The following ADCY9 variants were observed in gnomAD, a reference collection of about 807,000 sequenced individuals.
The protein encoded by ADCY9 is adenylate cyclase type 9.
A neutral mutation model predicts 101.5 loss-of-function variants in ADCY9; 50 were observed. The observed-to-expected ratio is 0.49, with a 90% CI of 0.39 to 0.62. ADCY9 has a LOEUF of 0.62. ADCY9 is among the 20% of genes least tolerant of loss of function. The pLI is 0.00. For missense variants in ADCY9, 1,662 were observed against 1,800.4 expected (o/e 0.92, Z 1.39); for synonymous variants, 905 against 769.3 (o/e 1.18, Z -2.92).
At chr16:4,062,448 C>G (rs1231133463) in intron 2 of ADCY9, among the ~76,000 whole-genome samples, 1 of 152,106 alleles carries the variant, frequency 6.6e-6, no homozygotes, top group Non-Finnish European at 1.5e-5. Context: ...TGAAGACTGT[C>G]AGATTAAATT....
chr16:4,109,963 C>T (rs2057102888), intron 2 of ADCY9, among the ~76,000 whole-genome samples: 1 of 152,268 alleles, frequency 6.6e-6, no homozygotes, highest in African/African-American at 2.4e-5. Context: ...AACAATCGTC[C>T]GCCCCCACAG....
intron 2 of ADCY9, among the ~76,000 whole-genome samples, chr16:4,019,747 G>A (rs549426990): frequency 1.3e-5 from 2 of 152,294 alleles, no homozygotes; most frequent in Admixed American, 1.3e-4. Context: ...ACTAGTGGAG[G>A]TACTAGCCTC....
chr16:4,012,247 G>C (rs965242503), intron 2 of ADCY9, among the ~76,000 whole-genome samples: 1 of 152,190 alleles, frequency 6.6e-6, no homozygotes, highest in Non-Finnish European at 1.5e-5. Context: ...TAAATTTAAA[G>C]TGAAACCTTT....
intron 2 of ADCY9, among the ~76,000 whole-genome samples, chr16:4,018,214 C>CTTT (rs771932084): frequency 3.5e-5 from 5 of 141,380 alleles, no homozygotes; most frequent in Non-Finnish European, 4.6e-5. Flanking sequence ...ATATTCTTCT[C>CTTT]TTTTTTTTTT....
At chr16:4,100,629 C>A (rs2057036714) in intron 2 of ADCY9, among the ~76,000 whole-genome samples, 1 of 151,636 alleles carries the variant, frequency 6.6e-6, no homozygotes, top group South Asian at 2.1e-4. Flanking sequence ...TGCACCTGGC[C>A]TCAGGTAGCA....
intron 2 of ADCY9, among the ~76,000 whole-genome samples, chr16:4,009,745 C>T (rs12921697): frequency 0.052 from 7,859 of 152,332 alleles, 271 homozygotes; most frequent in Non-Finnish European, 0.082. Flanking sequence ...GGACCTGTCC[C>T]AGGCGACACC....
Position 4,115,661 on chromosome 16 carries a change from G to C in ADCY9, c.-44+29C>G. ...CACCGCCCCCACCGCCCCCACCTTC[G>C]AGGCGCACGAGAACCGCTCGGGACG... On this transcript the variant is annotated intron_variant, in intron 1 of 10. Coordinates refer to ENST00000294016, the MANE Select transcript of ADCY9 (RefSeq NM_001116.4). This position sits in a 1 kb window ranked among gnomAD's most constrained non-coding sequence, Gnocchi z 6.2. 1.7e-6 allele frequency: 1 copy of C among 595,546 alleles called. No homozygotes were observed. The highest frequency in any genetic ancestry group is 2.9e-5 in the East Asian group (1 of 34,896). 36.9% of individuals were successfully genotyped at this position (595,546 alleles called of 1,614,324 possible). A position where few individuals can be genotyped will look rare whatever the true frequency, so the allele number is the denominator to read the frequency against.
rs1319965062 is a variant in ADCY9, at chr16:4,047,108, TTTC to T, written c.1694-39553_1694-39551del. 2.0e-5 allele frequency among the ~76,000 whole-genome samples: 3 copies of T among 152,324 alleles called. 1 individual carries two copies. The South Asian group carries it at 6.2e-4, about 32-fold the overall frequency. ...TTTCTAGGCAGACATTGAATGCTAATTTCTTCGTTTTTTAAAAAAAATGAAATA... is the reference window on the plus strand; with the variant it reads ...TTTCTAGGCAGACATTGAATGCTAATTTCGTTTTTTAAAAAAAATGAAATA... On this transcript the variant is annotated intron_variant, in intron 2 of 10. Transcript: ENST00000294016.
chr16:3,992,068 C>T lies in ADCY9; in HGVS notation c.2207+78G>A. 6.9e-7 allele frequency: 1 copy of T among 1,447,636 alleles called. No individual in the cohort carries two copies. Among genetic ancestry groups the T allele is most frequent in the Non-Finnish European group, 9.5e-7 (1 of 1,049,152 alleles). The allele number at this position is 1,447,636 out of a possible 1,614,324, so 89.7% of individuals were successfully genotyped here. A position where few individuals can be genotyped will look rare whatever the true frequency, so the allele number is the denominator to read the frequency against. On this transcript the variant is annotated intron_variant, in intron 5 of 10. Coordinates refer to ENST00000294016, the MANE Select transcript of ADCY9 (RefSeq NM_001116.4). The surrounding 1 kb of genome is among the most constrained non-coding windows in gnomAD (Gnocchi z 4.2). ...CCTGGATGACAGAGCGAGACTCAGT[C>T]TTAAAGAAAAGAAAAGAAAAAGGCA...
intron 6 of ADCY9, among the ~76,000 whole-genome samples, chr16:3,984,703 G>A (rs879625069): frequency 1.1e-4 from 16 of 152,244 alleles, no homozygotes; most frequent in Non-Finnish European, 2.2e-4. Flanking sequence ...AGGAAGGGAT[G>A]TAGCCAGTTC....
At chr16:4,031,571 T>C (rs528638845) in intron 2 of ADCY9, among the ~76,000 whole-genome samples, 4 of 152,258 alleles carry the variant, frequency 2.6e-5, no homozygotes, top group Admixed American at 2.0e-4. Context: ...TTTCTGTAGG[T>C]TTGAAATTTA....
In ADCY9 at chr16:4,115,293, G is replaced by T. The variant is rs3730094; in HGVS notation, c.150C>A (p.Ile50=). Residue 50 remains isoleucine, a synonymous_variant, in exon 2 of 11, where the codon ATC becomes ATA. Transcript: ENST00000294016. The surrounding 1 kb of genome is among the most constrained non-coding windows in gnomAD (Gnocchi z 6.2). ...CCCCAGAGCTGCTGCAGCTAGAGGA[G>T]ATGCTGTATTTGCAGTGCTTGGGGT... is the stretch of plus-strand genomic sequence containing the variant. The part of the protein sequence containing the change: ...NSHPKHCKYS[I]SSSCSSSGDS... 1.2e-6 allele frequency: 2 copies of T among 1,613,896 alleles called. No homozygotes were observed. Among genetic ancestry groups the T allele is most frequent in the Non-Finnish European group, 1.7e-6 (2 of 1,179,892 alleles).
At chr16:4,104,750 G>C (rs1030704464) in intron 2 of ADCY9, among the ~76,000 whole-genome samples, 1 of 152,134 alleles carries the variant, frequency 6.6e-6, no homozygotes, top group African/African-American at 2.4e-5. Context: ...TCAACATATT[G>C]CAACAAATTG....
chr16:4,113,962 G>C lies in ADCY9; in HGVS notation c.1481C>G (p.Thr494Ser). Reference protein sequence around the residue: ...VNMRVGVHTGTVLCGILGMRR... With the variant: ...VNMRVGVHTGSVLCGILGMRR... ...CATGCCCAGGATGCCGCAAAGGACG[G>C]TGCCCGTGTGCACCCCGACTCTCAT... The change falls in exon 2 of 11, where the codon ACC becomes AGC. Residue 494 changes from threonine (T) to serine (S), a missense_variant. Thr to Ser is a moderately conservative substitution (Grantham distance 58). This residue lies in a region of ADCY9 where 228 missense variants were observed against 301.1 expected (regional missense o/e 0.76). Coordinates refer to ENST00000294016, the MANE Select transcript of ADCY9 (RefSeq NM_001116.4). 1 of 1,613,998 alleles carries C rather than the reference G, an allele frequency of 6.2e-7. No homozygotes were observed. Among genetic ancestry groups the C allele is most frequent in the Non-Finnish European group, 8.5e-7 (1 of 1,180,036 alleles).
At chr16:4,082,788 G>A (rs148687684) in intron 2 of ADCY9, among the ~76,000 whole-genome samples, 248 of 152,316 alleles carry the variant, frequency 1.6e-3, no homozygotes, top group Middle Eastern at 6.8e-3. Context: ...CAGCCCACCC[G>A]CAGTAAGTAG....
At chr16:4,047,451 C>T (rs1339262195) in intron 2 of ADCY9, among the ~76,000 whole-genome samples, 1 of 147,522 alleles carries the variant, frequency 6.8e-6, no homozygotes, top group Non-Finnish European at 1.5e-5. Flanking sequence ...GGGACTTACA[C>T]AGCTGTTACG....
chr16:4,021,129 G>A (rs986258112), intron 2 of ADCY9, among the ~76,000 whole-genome samples: 5 of 152,052 alleles, frequency 3.3e-5, no homozygotes, highest in African/African-American at 1.2e-4. Flanking sequence ...AAAGTGGTTG[G>A]TAAAACACAC....
At chr16:3,967,557 T>C (rs760273954) in intron 10 of ADCY9, among the ~76,000 whole-genome samples, 1 of 151,722 alleles carries the variant, frequency 6.6e-6, no homozygotes, top group Non-Finnish European at 1.5e-5. Context: ...ACCTAGCTAA[T>C]TAAAAAATTT....
At chr16:4,040,645 C>T (rs1024801739) in intron 2 of ADCY9, among the ~76,000 whole-genome samples, 13 of 152,090 alleles carry the variant, frequency 8.5e-5, no homozygotes, top group Admixed American at 2.0e-4. Flanking sequence ...TTAGTAGAGA[C>T]GAGATTTCAC....
Sources: gnomAD v4.1 joint callset for allele counts (sites outside exome capture counted in the v4.1 genomes callset) on GRCh38, gnomAD v4.1.1 for gene constraint, gnomAD v4.1.1 regional missense constraint, Gnocchi (gnomAD v3.1) non-coding constraint, MANE v1.5 for transcripts, NCBI Gene and HGNC (gene_info 2026-07-23, HGNC 2026-07-21) for gene names.